Variants in CFAP251 observed in about 807,000 individuals in gnomAD.
CFAP251 encodes the protein cilia- and flagella-associated protein 251.
Under a neutral mutation model 126.7 loss-of-function variants are expected in CFAP251, and 93 were observed. The ratio of observed to expected loss-of-function variants is 0.73; its 90% CI spans 0.62 to 0.87. The LOEUF (loss-of-function observed/expected upper bound fraction) is 0.87, where lower values mean the gene tolerates loss of function less well. Ranked by LOEUF, CFAP251 falls within the 40% of genes least tolerant of loss-of-function variation. The pLI is 0.00. For missense variants in CFAP251, 1,287 were observed against 1,389.2 expected, an observed-to-expected ratio of 0.93 and a Z score of 1.17; for synonymous variants, 503 against 506.9, an observed-to-expected ratio of 0.99 and a Z score of 0.10.
chr12:121,942,860 C>T (rs1344847724), intron 6 of CFAP251, 35 bp from the exon 7 acceptor site: 2 of 1,610,602 alleles, frequency 1.2e-6, no homozygotes, highest in African/African-American at 2.7e-5. Flanking sequence ...ACTTCACAGA[C>T]CTTCTCATGC....
At chr12:121,977,282 C>T (rs1032245117) in intron 19 of CFAP251, among the ~76,000 whole-genome samples, 10 of 152,150 alleles carry the variant, frequency 6.6e-5, no homozygotes, top group African/African-American at 1.2e-4. Flanking sequence ...GTATTATGAC[C>T]GTATGGAACC....
chr12:121,947,370 T>G (rs887349817), intron 7 of CFAP251, among the ~76,000 whole-genome samples: 6 of 152,208 alleles, frequency 3.9e-5, no homozygotes, highest in Admixed American at 3.9e-4. Flanking sequence ...TGTGATTGTC[T>G]AATAACCCCA....
chr12:121,969,705 C>G (rs545664672), intron 17 of CFAP251: 1 of 958,144 alleles, frequency 1.0e-6, no homozygotes, highest in Non-Finnish European at 1.2e-6. Context: ...CTAGGCTGGT[C>G]TTGAACTCAT....
Position 122,003,720 on chromosome 12 carries a change from C to T in CFAP251, c.3406C>T (p.Leu1136Phe). The change falls in exon 22 of 22, where the codon CTT becomes TTT. Residue 1136 changes from leucine to phenylalanine, a missense_variant. Leu to Phe is a conservative substitution (Grantham distance 22). Transcript: ENST00000288912. The part of the protein sequence containing the change: ...ITAEIFATEI[L>F]GLTISEDSGQ... ...TGCAGAAATATTCGCGACTGAAATT[C>T]TTGGCTTAACCATTTCAGAAGATTC... 1.9e-6 allele frequency: 3 copies of T among 1,609,948 alleles called. No homozygotes were observed. In the East Asian group the frequency reaches 6.7e-5, roughly 36 times the overall value.
At chr12:121,994,877 T>C (rs1882988492) in intron 19 of CFAP251, among the ~76,000 whole-genome samples, 1 of 143,856 alleles carries the variant, frequency 7.0e-6, no homozygotes, top group African/African-American at 2.6e-5. Flanking sequence ...CACTTGTTTA[T>C]CTGCTGACCT....
At chr12:121,925,429 C>G (rs1344045464) in intron 3 of CFAP251, among the ~76,000 whole-genome samples, 2 of 152,062 alleles carry the variant, frequency 1.3e-5, no homozygotes, top group Non-Finnish European at 2.9e-5. Flanking sequence ...TAATGTAGTT[C>G]CTAAGACATA....
chr12:121,969,895 T>C lies in CFAP251; in HGVS notation c.2771+1726T>C, dbSNP rs189395689. ...TCCAATAGCTTTCGCCTGGCCAGAG[T>C]CCAGGCTTCTGAGAATTTCAATTTA... is the stretch of plus-strand genomic sequence containing the variant. On this transcript the variant is annotated intron_variant, in intron 17 of 21. Coordinates refer to ENST00000288912, the MANE Select transcript of CFAP251 (RefSeq NM_144668.6). 2.6e-4 allele frequency: 256 copies of C among 985,324 alleles called. No individual in the cohort carries two copies. In the African/African-American group the frequency reaches 4.1e-3, roughly 16 times the overall value. 61.0% of individuals were successfully genotyped at this position (985,324 alleles called of 1,614,324 possible).
At chr12:121,968,712 T>C (rs750600186) in intron 17 of CFAP251, among the ~76,000 whole-genome samples, 41 of 152,144 alleles carry the variant, frequency 2.7e-4, no homozygotes, top group Non-Finnish European at 5.4e-4. Context: ...ACGTCCCTGA[T>C]CTTTAGATTC....
In CFAP251 at chr12:121,942,584, T is replaced by C; in HGVS notation, c.1049T>C (p.Met350Thr). The change falls in exon 6 of 22, where the codon ATG becomes ACG. Residue 350 changes from methionine (M) to threonine (T), a missense_variant. Met to Thr is a moderately conservative substitution (Grantham distance 81). Transcript: ENST00000288912. ...FDSCPEGNGI[M>T]AMAMTHDAKY... ...AGCTGCCCTGAAGGGAATGGCATCA[T>C]GGCCATGGCCATGACCCACGACGCC... is the stretch of plus-strand genomic sequence containing the variant. The C allele has an allele frequency of 6.2e-7, 1 of 1,613,888 alleles. No individual in the cohort carries two copies. Among genetic ancestry groups the C allele is most frequent in the Middle Eastern group, 1.6e-4 (1 of 6,062 alleles).
At chr12:121,928,685 TATACGTATATATATATA>T (rs1565902766) in intron 3 of CFAP251, among the ~76,000 whole-genome samples, 1 of 33,620 alleles carries the variant, frequency 3.0e-5, no homozygotes, top group African/African-American at 8.1e-5. Flanking sequence ...TATATATATA[TATACGTATATATATATA>T]TATTTTTTTT....
chr12:121,926,564 G>A (rs1880425201), intron 3 of CFAP251, among the ~76,000 whole-genome samples: 1 of 152,126 alleles, frequency 6.6e-6, no homozygotes, highest in South Asian at 2.1e-4. Context: ...CTAAGCTCAA[G>A]CAATCCTCCC....
chr12:121,970,905 G>T (rs1882308757), intron 17 of CFAP251, among the ~76,000 whole-genome samples: 1 of 152,228 alleles, frequency 6.6e-6, no homozygotes, highest in African/African-American at 2.4e-5. Context: ...GAGAGAGGGA[G>T]TCTCTTTCCC....
At chr12:122,003,291 C>T (rs1299450058) in intron 21 of CFAP251, among the ~76,000 whole-genome samples, 2 of 152,128 alleles carry the variant, frequency 1.3e-5, no homozygotes, top group Non-Finnish European at 2.9e-5. Flanking sequence ...GAAACATAGT[C>T]ATTGAGGCCA....
intron 5 of CFAP251, among the ~76,000 whole-genome samples, chr12:121,936,930 G>T (rs902760754): frequency 1.5e-4 from 23 of 152,220 alleles, no homozygotes. Context: ...AGAGCAGGTG[G>T]CAGGAGGCAG....
At chr12:121,962,898 G>A (rs1276653776) in intron 15 of CFAP251, among the ~76,000 whole-genome samples, 2 of 152,112 alleles carry the variant, frequency 1.3e-5, no homozygotes. Context: ...TCTGGGGTTT[G>A]GGAAATGCCG....
intron 10 of CFAP251, among the ~76,000 whole-genome samples, chr12:121,955,194 T>A (rs1359916953): frequency 6.6e-6 from 1 of 152,098 alleles, no homozygotes; most frequent in Non-Finnish European, 1.5e-5. Flanking sequence ...CTTGGGAAGC[T>A]GAGGCATGAG....
chr12:121,991,191 C>A (rs148381200), intron 19 of CFAP251, among the ~76,000 whole-genome samples: 8 of 152,314 alleles, frequency 5.3e-5, no homozygotes, highest in Admixed American at 2.0e-4. Context: ...ATCCATCTAT[C>A]TATCCATTCA....
rs770184115 is a variant in CFAP251 at position 121,942,505 on chromosome 12, A to G, written c.999-29A>G. 10 of 1,552,286 alleles carry G rather than the reference A, an allele frequency of 6.4e-6. No homozygotes were observed. The East Asian group carries it at 2.0e-4, about 32-fold the overall frequency. The stretch of plus-strand genomic sequence containing the variant: ...CTGGGAAGCCAGGGAGACCTCAGCA[A>G]GTGTCGCCCCCCTTGTCCTGTTTTG... On this transcript the variant is annotated intron_variant, in intron 5 of 21. Transcript: ENST00000288912.
At chr12:121,972,529 C>A (rs1484164983) in intron 17 of CFAP251, among the ~76,000 whole-genome samples, 2 of 151,168 alleles carry the variant, frequency 1.3e-5, no homozygotes, top group African/African-American at 4.9e-5. Flanking sequence ...ACTCTTGTCA[C>A]CCAGGCTGGA....
Sources: allele counts gnomAD v4.1 joint callset (sites outside exome capture counted in the v4.1 genomes callset), GRCh38; gene constraint gnomAD v4.1.1; transcripts MANE v1.5; gene names NCBI Gene and HGNC (gene_info 2026-07-23, HGNC 2026-07-21).